The following SPRED1 variants were observed in gnomAD, a reference collection of about 807,000 sequenced individuals.
SPRED1 encodes sprouty-related, EVH1 domain-containing protein 1.
A neutral mutation model predicts 52.3 loss-of-function variants in SPRED1; 18 were observed. The observed-to-expected ratio is 0.34, with a 90% CI of 0.24 to 0.51. The LOEUF is 0.51. SPRED1 is among the 20% of genes least tolerant of loss of function. The pLI, the probability that SPRED1 is intolerant of heterozygous loss-of-function variation, is 0.97. For missense variants in SPRED1, 485 were observed against 551.0 expected (o/e 0.88, Z 1.20); for synonymous variants, 155 against 179.7 (o/e 0.86, Z 1.10).
chr15:38,253,377 C>A (rs941072281), intron 1 of SPRED1, among the ~76,000 whole-genome samples, 160 bp downstream of exon 1: 3 of 152,118 alleles, frequency 2.0e-5, no homozygotes, highest in Non-Finnish European at 4.4e-5. Context: ...TTTTTAGTGG[C>A]AGCACCCCTC....
intron 2 of SPRED1, among the ~76,000 whole-genome samples, chr15:38,314,237 A>G (rs1000125189): frequency 2.6e-5 from 4 of 151,770 alleles, no homozygotes; most frequent in African/African-American, 9.7e-5. Flanking sequence ...CTTTATCTTT[A>G]CTAATTTTGT....
intron 5 of SPRED1, among the ~76,000 whole-genome samples, chr15:38,340,995 A>T (rs1258244587): frequency 4.7e-5 from 6 of 128,290 alleles, no homozygotes; most frequent in Admixed American, 8.1e-5. Flanking sequence ...CTGGGCCTGG[A>T]TTTTTTTTTT....
chr15:38,283,400 G>GTCTTA (rs1166726790), intron 1 of SPRED1: 2 of 445,094 alleles, frequency 4.5e-6, no homozygotes, highest in Non-Finnish European at 5.9e-6. Context: ...ACCATGTCTT[G>GTCTTA]AGAGGTATAG....
intron 4 of SPRED1, among the ~76,000 whole-genome samples, chr15:38,331,623 A>AT (rs112939503): frequency 0.032 from 4,854 of 151,982 alleles, 120 homozygotes; most frequent in Middle Eastern, 0.051. Flanking sequence ...CAGATTTTGA[A>AT]TTTTTTTTAC....
At chr15:38,282,544 A>G (rs1405329715) in intron 1 of SPRED1, among the ~76,000 whole-genome samples, 2 of 151,944 alleles carry the variant, frequency 1.3e-5, no homozygotes, top group Admixed American at 6.6e-5. Context: ...TCCTCATGCT[A>G]CTCAAGAAGC....
Position 38,351,887 on chromosome 15 carries a change from G to T in SPRED1, c.*223G>T. 1.7e-6 allele frequency: 1 copy of T among 604,454 alleles called. No homozygotes were observed. The highest frequency in any genetic ancestry group is 1.9e-5 in the African/African-American group (1 of 53,974). The allele number at this position is 604,454 out of a possible 1,614,324, so 37.4% of individuals were successfully genotyped here. On this transcript the variant is annotated 3_prime_UTR_variant, in exon 7 of 7. Coordinates refer to ENST00000299084, the MANE Select transcript of SPRED1 (RefSeq NM_152594.3). ...ACAGGTTGTAGAGTATTTGCAGAAGGAAACCATTTCTGGTTATTTGGCTAT... is the reference window on the plus strand; with the variant it reads ...ACAGGTTGTAGAGTATTTGCAGAAGTAAACCATTTCTGGTTATTTGGCTAT...
chr15:38,344,160 A>G (rs1333829626), intron 5 of SPRED1, among the ~76,000 whole-genome samples: 1 of 152,140 alleles, frequency 6.6e-6, no homozygotes, highest in Non-Finnish European at 1.5e-5. Flanking sequence ...TTTAAGTACA[A>G]AATGTTTTCC....
intron 6 of SPRED1, 61 bp from the exon 7 acceptor site, chr15:38,350,953 G>A: frequency 3.3e-6 from 5 of 1,502,122 alleles, no homozygotes; most frequent in Non-Finnish European, 3.6e-6. Flanking sequence ...GCCCCACCAA[G>A]GTGACACGTA....
At chr15:38,336,581 A>G (rs994003163) in intron 4 of SPRED1, among the ~76,000 whole-genome samples, 1 of 151,564 alleles carries the variant, frequency 6.6e-6, no homozygotes, top group Non-Finnish European at 1.5e-5. Context: ...ACACACACAC[A>G]CTATGGAATA....
chr15:38,265,470 G>A (rs1894288800), intron 1 of SPRED1, among the ~76,000 whole-genome samples: 1 of 151,726 alleles, frequency 6.6e-6, no homozygotes, highest in Non-Finnish European at 1.5e-5. Flanking sequence ...ATGTTAGAAA[G>A]CAACTTTTCA....
chr15:38,336,155 A>G (rs377474490), intron 4 of SPRED1, among the ~76,000 whole-genome samples: 16 of 151,870 alleles, frequency 1.1e-4, no homozygotes, highest in South Asian at 8.3e-4. Flanking sequence ...TCAAATGACA[A>G]CACCGTATTT....
rs946356477 is a variant in SPRED1, at chr15:38,356,386, A to AT, written c.*4723dup. 6.8e-4 allele frequency: 103 copies of AT among 152,260 alleles called. No individual in the cohort carries two copies. Among genetic ancestry groups the AT allele is most frequent in the African/African-American group, 2.4e-3 (98 of 41,568 alleles). 9.4% of individuals were successfully genotyped at this position (152,260 alleles called of 1,614,324 possible). A position where few individuals can be genotyped will look rare whatever the true frequency, so the allele number is the denominator to read the frequency against. On this transcript the variant is annotated 3_prime_UTR_variant, in exon 7 of 7. Transcript: ENST00000299084. ...GTGTAATTGGACATAGCAGATGATT[A>AT]TCATAAGAATTTGTTTTAATGGTTT...
At chr15:38,322,055 G>A (rs1279437271) in intron 2 of SPRED1, among the ~76,000 whole-genome samples, 186 bp from the exon 3 acceptor site, 5 of 152,218 alleles carry the variant, frequency 3.3e-5, no homozygotes, top group African/African-American at 2.4e-5. Context: ...TGTTTATAAT[G>A]TGCATTTTTT....
intron 2 of SPRED1, 113 bp downstream of exon 2, chr15:38,299,660 C>T: frequency 9.0e-7 from 1 of 1,107,368 alleles, no homozygotes; most frequent in Non-Finnish European, 1.3e-6. Flanking sequence ...AATTATGTTT[C>T]TGGAGCTGTT....
intron 2 of SPRED1, among the ~76,000 whole-genome samples, chr15:38,304,793 A>G (rs137907973): frequency 7.0e-4 from 106 of 151,794 alleles, no homozygotes; most frequent in African/African-American, 2.2e-3. Flanking sequence ...TTCCCCTCCT[A>G]CTGCTCTTCA....
chr15:38,323,345 A>G (rs188860113), intron 3 of SPRED1, among the ~76,000 whole-genome samples: 231 of 152,276 alleles, frequency 1.5e-3, no homozygotes, highest in Admixed American at 2.5e-3. Flanking sequence ...GATCCAGAAA[A>G]AATTACTATG....
At chr15:38,258,999 G>A (rs1051585891) in intron 1 of SPRED1, among the ~76,000 whole-genome samples, 3 of 152,046 alleles carry the variant, frequency 2.0e-5, no homozygotes, top group East Asian at 1.9e-4. Context: ...CATCATATGT[G>A]CCCTTCCTTT....
At chr15:38,336,595 C>T (rs1895928132) in intron 4 of SPRED1, among the ~76,000 whole-genome samples, 1 of 151,494 alleles carries the variant, frequency 6.6e-6, no homozygotes. Flanking sequence ...TGGAATACTA[C>T]TCAACCATAA....
chr15:38,293,513 A>G (rs1316123264), intron 1 of SPRED1, among the ~76,000 whole-genome samples: 1 of 152,162 alleles, frequency 6.6e-6, no homozygotes, highest in Admixed American at 6.5e-5. Context: ...GTGCTAAAGG[A>G]GTAATACAGA....
Sources: allele counts gnomAD v4.1 joint callset (sites outside exome capture counted in the v4.1 genomes callset), GRCh38; gene constraint gnomAD v4.1.1; transcripts MANE v1.5; gene names NCBI Gene and HGNC (gene_info 2026-07-23, HGNC 2026-07-21).